TGM2: variants seen among roughly 807,000 people sequenced by gnomAD.
TGM2 encodes the protein protein-glutamine gamma-glutamyltransferase 2.
In TGM2, 53 loss-of-function variants were observed where a neutral mutation model predicts 75.6. The ratio of observed to expected loss-of-function variants is 0.70; its 90% CI spans 0.56 to 0.88. TGM2 has a LOEUF of 0.88. Ranked by LOEUF, TGM2 falls within the 40% of genes least tolerant of loss-of-function variation. TGM2 has a pLI of 0.00. For missense variants in TGM2, 842 were observed against 928.5 expected (o/e 0.91, Z 1.21); for synonymous variants, 374 against 381.1 (o/e 0.98, Z 0.22).
At chr20:38,162,292 G>T (rs968909787) in intron 1 of TGM2, among the ~76,000 whole-genome samples, 3 of 152,176 alleles carry the variant, frequency 2.0e-5, no homozygotes, top group African/African-American at 7.2e-5. Flanking sequence ...CAATAAACAC[G>T]AGCTATTCTA....
At chr20:38,143,863 G>C (rs45452592) in intron 6 of TGM2, among the ~76,000 whole-genome samples, 1 of 152,190 alleles carries the variant, frequency 6.6e-6, no homozygotes, top group Admixed American at 6.5e-5. Flanking sequence ...GGCCACCATC[G>C]ATAGGCCAGG....
Position 38,147,993 on chromosome 20 carries a change from G to A in TGM2, c.649C>T (p.Pro217Ser). Residue 217 changes from proline (P) to serine (S), a missense_variant, in exon 5 of 13, where the codon CCC becomes TCC. Coordinates refer to ENST00000361475, the MANE Select transcript of TGM2 (RefSeq NM_004613.4). Reference protein sequence around the residue: ...AGRDCSRRSSPVYVGRVVSGM... With the variant: ...AGRDCSRRSSSVYVGRVVSGM... ...CTCACCACCCGGCCCACGTAGACGG[G>A]GCTGCTGCGGCGGGAGCAGTCACGG... 3.1e-6 allele frequency: 5 copies of A among 1,613,302 alleles called. No individual in the cohort carries two copies. Among genetic ancestry groups the A allele is most frequent in the Non-Finnish European group, 4.2e-6 (5 of 1,179,920 alleles).
In TGM2 at chr20:38,138,301, C is replaced by T. The variant is rs574234671; in HGVS notation, c.1427G>A (p.Arg476Gln). 18 of 1,614,178 alleles carry T rather than the reference C, an allele frequency of 1.1e-5. No individual in the cohort carries two copies. Among genetic ancestry groups the T allele is most frequent in the East Asian group, 2.2e-5 (1 of 44,892 alleles). Residue 476 changes from arginine (R) to glutamine (Q), a missense_variant, in exon 10 of 13, where the codon CGG (arginine) becomes CAG (glutamine). Physicochemically the swap from Arg to Gln is conservative, Grantham distance 43. Transcript: ENST00000361475. The part of the protein sequence containing the change: ...AEKEETGMAM[R>Q]IRVGQSMNMG... ...GTTCATGCTCTGGCCCACACGGATC[C>T]GCATGGCCATCCCTGTCTCCTCCTT...
intron 3 of TGM2, 82 bp downstream of exon 3, chr20:38,155,765 C>T (rs1173139442): frequency 4.6e-6 from 7 of 1,513,280 alleles, no homozygotes; most frequent in Non-Finnish European, 5.3e-6. Context: ...ATCCCCTGTT[C>T]TTCTCACCTC....
chr20:38,142,243 C>G (rs762382252), intron 6 of TGM2, 44 bp from the exon 7 acceptor site: 1 of 1,610,710 alleles, frequency 6.2e-7, no homozygotes, highest in Admixed American at 1.7e-5. Context: ...CTGGAGACAT[C>G]CGCCCTGCTC....
At position 38,146,879 on chromosome 20, in the gene TGM2, C is replaced by T. The variant is rs1252567745; in HGVS notation, c.697G>A (p.Asp233Asn). The change falls in exon 6 of 13, where the codon GAC (aspartate) becomes AAC (asparagine). Residue 233 changes from aspartate (D) to asparagine (N), a missense_variant. Asp to Asn is a conservative substitution (Grantham distance 23). Transcript: ENST00000361475. Reference protein sequence around the residue: ...VVSGMVNCNDDQGVLLGRWDN... With the variant: ...VVSGMVNCNDNQGVLLGRWDN... ...CAGCGTCCCAGCAGCACACCCTGGT[C>T]ATCGTTGCAGTTGACCTGCAACCAG... 1 of 1,613,372 alleles carries T rather than the reference C, an allele frequency of 6.2e-7. No individual in the cohort carries two copies. Among genetic ancestry groups the T allele is most frequent in the East Asian group, 2.2e-5 (1 of 44,880 alleles).
upstream of TGM2, chr20:38,165,346 G>A: frequency 8.6e-7 from 1 of 1,169,182 alleles, no homozygotes; most frequent in Non-Finnish European, 1.2e-6. Flanking sequence ...GGAAGGCGGC[G>A]ACCTGGGAGG....
At chr20:38,160,353 C>T (rs1189703596) in intron 2 of TGM2, among the ~76,000 whole-genome samples, 1 of 152,192 alleles carries the variant, frequency 6.6e-6, no homozygotes, top group Non-Finnish European at 1.5e-5. Flanking sequence ...CCAGGAATGG[C>T]CAACAAAGAA....
chr20:38,163,327 G>A (rs557939019), intron 1 of TGM2, among the ~76,000 whole-genome samples: 4 of 152,304 alleles, frequency 2.6e-5, no homozygotes, highest in South Asian at 2.1e-4. Flanking sequence ...TCAAAGTCAC[G>A]CCGCAAGTTG....
chr20:38,155,849 GGGCACCA>G lies in TGM2; in HGVS notation c.424_430del (p.Trp142GlnfsTer47). On this transcript the variant is annotated frameshift_variant, in exon 3 of 13. Coordinates refer to ENST00000361475, the MANE Select transcript of TGM2 (RefSeq NM_004613.4). LOFTEE classifies it high-confidence loss of function. ...TGAGTGGATGGCGTGTGGCTCACCT[GGGCACCA>G]GGCGTTGAAGAGCAAAATGAAGTGG... 6.3e-7 allele frequency: 1 copy of G among 1,597,018 alleles called. No individual in the cohort carries two copies. Among genetic ancestry groups the G allele is most frequent in the Non-Finnish European group, 8.5e-7 (1 of 1,172,646 alleles).
chr20:38,152,589 A>C (rs1329911616), intron 3 of TGM2, among the ~76,000 whole-genome samples: 5 of 152,172 alleles, frequency 3.3e-5, no homozygotes, highest in Admixed American at 3.3e-4. Context: ...CCATCTGGTA[A>C]AGGTGGGGGC....
At chr20:38,140,393 G>A (rs1021611979) in intron 8 of TGM2, among the ~76,000 whole-genome samples, 6 of 152,206 alleles carry the variant, frequency 3.9e-5, no homozygotes, top group African/African-American at 1.4e-4. Context: ...GGGAAAAAAT[G>A]TTCCATGCCG....
chr20:38,162,193 C>T (rs1403731279), intron 1 of TGM2, among the ~76,000 whole-genome samples: 3 of 152,216 alleles, frequency 2.0e-5, no homozygotes, highest in African/African-American at 7.2e-5. Flanking sequence ...ATGGGACCAG[C>T]AGTATCTACC....
At chr20:38,135,304 C>T (rs2074885378) in intron 10 of TGM2, among the ~76,000 whole-genome samples, 1 of 152,122 alleles carries the variant, frequency 6.6e-6, no homozygotes, top group Non-Finnish European at 1.5e-5. Context: ...GGTGGGTGTG[C>T]ACTGAAACGA....
chr20:38,147,330 C>T (rs1437671175), intron 5 of TGM2, among the ~76,000 whole-genome samples: 2 of 152,136 alleles, frequency 1.3e-5, no homozygotes, highest in African/African-American at 4.8e-5. Flanking sequence ...CACCCCTGCC[C>T]ACCTCTGCAG....
At chr20:38,157,904 G>A (rs2075207193) in intron 2 of TGM2, among the ~76,000 whole-genome samples, 1 of 152,202 alleles carries the variant, frequency 6.6e-6, no homozygotes, top group African/African-American at 2.4e-5. Flanking sequence ...AGGCCAAATA[G>A]CAGATCGTGA....
chr20:38,132,448 C>T lies in TGM2; in HGVS notation c.1668G>A (p.Thr556=), dbSNP rs144810674. Residue 556 remains threonine, a synonymous_variant, in exon 11 of 13, where the codon ACG becomes ACA. Transcript: ENST00000361475. ...CCCGCACCTTGATGAGGTTGGACTC[C>T]GTAAGGCAGTCACGGTATTTCTCAT... ...ILYEKYRDCL[T]ESNLIKVRAL... 4.5e-5 allele frequency: 73 copies of T among 1,614,126 alleles called. No individual in the cohort carries two copies. The highest frequency in any genetic ancestry group is 2.9e-4 in the African/African-American group (22 of 75,006).
chr20:38,149,373 C>T (rs967430397), intron 4 of TGM2, among the ~76,000 whole-genome samples: 1 of 152,098 alleles, frequency 6.6e-6, no homozygotes, highest in Admixed American at 6.6e-5. Context: ...AGCACAAGAC[C>T]GGATACAAAA....
intron 3 of TGM2, 48 bp from the exon 4 acceptor site, chr20:38,151,105 AG>A (rs2075111381): frequency 6.9e-7 from 1 of 1,446,084 alleles, no homozygotes; most frequent in African/African-American, 1.4e-5. Context: ...GCGGAGGCCC[AG>A]GGTCCCTGCA....
Sources: allele counts gnomAD v4.1 joint callset (sites outside exome capture counted in the v4.1 genomes callset), GRCh38; gene constraint gnomAD v4.1.1; transcripts MANE v1.5; gene names NCBI Gene and HGNC (gene_info 2026-07-23, HGNC 2026-07-21).